Variants in VPS53 observed in about 807,000 individuals in gnomAD.
The protein encoded by VPS53 is vacuolar protein sorting-associated protein 53 homolog.
A neutral mutation model predicts 107.0 loss-of-function variants in VPS53; 70 were observed. The observed-to-expected ratio is 0.65, with a 90% CI of 0.54 to 0.80. The LOEUF (loss-of-function observed/expected upper bound fraction) is 0.80. VPS53 is among the 30% of genes least tolerant of loss of function. The probability of loss-of-function intolerance (pLI) is 0.00; values close to 1 mark genes in which losing one functional copy is unlikely to be tolerated. For missense variants in VPS53, 917 were observed against 1,049.4 expected, an observed-to-expected ratio of 0.87 and a Z score of 1.74; for synonymous variants, 409 against 393.3, an observed-to-expected ratio of 1.04 and a Z score of -0.47.
intron 4 of VPS53, chr17:674,497 T>G (rs2143732413): frequency 6.6e-6 from 1 of 152,338 alleles, no homozygotes. Context: ...TCTGTGTGAT[T>G]TTTTTCTCTT....
At chr17:526,401 C>T (rs1270564010) in intron 19 of VPS53, among the ~76,000 whole-genome samples, 1 of 152,190 alleles carries the variant, frequency 6.6e-6, no homozygotes, top group Non-Finnish European at 1.5e-5. Context: ...ATGACACTTT[C>T]ATTCCCTGGC....
intron 7 of VPS53, 149 bp downstream of exon 7, chr17:653,142 T>C (rs756051288): frequency 5.1e-6 from 8 of 1,557,416 alleles, no homozygotes; most frequent in African/African-American, 2.7e-5. Context: ...GGAATCCCCA[T>C]ATACTTTCCC....
rs1973078563 is a variant in VPS53, at chr17:698,698, G to C, written c.218+633C>G. On this transcript the variant is annotated intron_variant, in intron 3 of 21. Transcript: ENST00000437048. Reference sequence around the variant, plus strand: ...AGCCTGGGACACAGAGTAAGACCTTGTTTTGAAAAAAAAACAGAAAAAAAG... The same window carrying C: ...AGCCTGGGACACAGAGTAAGACCTTCTTTTGAAAAAAAAACAGAAAAAAAG... 2.7e-5 allele frequency among the ~76,000 whole-genome samples: 4 copies of C among 147,584 alleles called. No individual in the cohort carries two copies. The Admixed American group carries it at 2.7e-4, about 10-fold the overall frequency.
intron 1 of VPS53, among the ~76,000 whole-genome samples, chr17:712,593 C>T (rs1328751391): frequency 6.6e-6 from 1 of 152,124 alleles, no homozygotes; most frequent in African/African-American, 2.4e-5. Context: ...TATGCTACTA[C>T]AGAATTTCAT....
At chr17:668,483 T>C (rs2143674135) in intron 4 of VPS53, among the ~76,000 whole-genome samples, 1 of 152,332 alleles carries the variant, frequency 6.6e-6, no homozygotes, top group African/African-American at 2.4e-5. Context: ...TCTGTAAGTA[T>C]TCTCTATTTG....
intron 17 of VPS53, among the ~76,000 whole-genome samples, chr17:541,875 C>T (rs1205593038): frequency 2.7e-5 from 4 of 149,794 alleles, no homozygotes; most frequent in East Asian, 2.0e-4. Context: ...TTATCAAGCA[C>T]GTACTACGCA....
At chr17:587,919 A>G (rs944564249) in intron 12 of VPS53, among the ~76,000 whole-genome samples, 1 of 152,196 alleles carries the variant, frequency 6.6e-6, no homozygotes, top group Non-Finnish European at 1.5e-5. Context: ...GCGTTTGAGG[A>G]TAAGTACACA....
At chr17:664,204 G>A (rs1266288688) in intron 4 of VPS53, among the ~76,000 whole-genome samples, 1 of 151,870 alleles carries the variant, frequency 6.6e-6, no homozygotes, top group Non-Finnish European at 1.5e-5. Flanking sequence ...TCAGCCTCCC[G>A]AGTAGCTGGG....
chr17:631,192 C>CA (rs1192526270), intron 8 of VPS53, among the ~76,000 whole-genome samples: 1 of 151,892 alleles, frequency 6.6e-6, no homozygotes. Context: ...TTCACCAAAC[C>CA]AAAACCAGTA....
At chr17:645,009 T>A (rs1286719150) in intron 7 of VPS53, among the ~76,000 whole-genome samples, 2 of 152,236 alleles carry the variant, frequency 1.3e-5, no homozygotes, top group African/African-American at 2.4e-5. Context: ...TATGTGATAA[T>A]GAATGTTTGG....
intron 5 of VPS53, among the ~76,000 whole-genome samples, chr17:659,724 C>T (rs931057736): frequency 2.6e-5 from 4 of 152,174 alleles, no homozygotes; most frequent in Admixed American, 6.5e-5. Context: ...TCTCCCTCTG[C>T]TTCATCTCAA....
chr17:528,874 C>T lies in VPS53; in HGVS notation c.2085+3968G>A, dbSNP rs528378035. ...TCAGCCTCCCAAAGTGCTGGGATTA[C>T]AGGTGTGAACCATGCACCCTGCCTT... On this transcript the variant is annotated intron_variant, in intron 19 of 21. Transcript: ENST00000437048. 8.5e-5 allele frequency among the ~76,000 whole-genome samples: 13 copies of T among 152,268 alleles called. No homozygotes were observed. In the East Asian group the frequency reaches 2.3e-3, roughly 27 times the overall value.
chr17:640,527 C>A (rs895022478), intron 7 of VPS53, among the ~76,000 whole-genome samples: 1 of 152,144 alleles, frequency 6.6e-6, no homozygotes, highest in African/African-American at 2.4e-5. Flanking sequence ...TGTTCCTATT[C>A]AGCCATCTTA....
rs188435924 is a variant in VPS53 at position 570,137 on chromosome 17, C to T, written c.1314-7392G>A. On this transcript the variant is annotated intron_variant, in intron 13 of 21. Coordinates refer to ENST00000437048, the MANE Select transcript of VPS53 (RefSeq NM_001128159.3). The stretch of plus-strand genomic sequence containing the variant: ...ATCTCAGCACTTTGGGAGGCCAAGG[C>T]GGGTGGATCACCTGAAGTCAGGAGT... Among the ~76,000 whole-genome samples the T allele has an allele frequency of 2.4e-4, 36 of 151,756 alleles. No individual in the cohort carries two copies. The South Asian group carries it at 7.3e-3, about 31-fold the overall frequency.
chr17:657,876 T>C (rs955662334), intron 5 of VPS53, among the ~76,000 whole-genome samples: 7 of 152,048 alleles, frequency 4.6e-5, no homozygotes, highest in African/African-American at 1.7e-4. Flanking sequence ...GGCAGGGAGT[T>C]CGTGGATAGA....
intron 5 of VPS53, chr17:656,699 A>C (rs1971199364): frequency 4.0e-6 from 2 of 495,662 alleles, no homozygotes; most frequent in Non-Finnish European, 6.6e-6. Flanking sequence ...CTGACTAAGA[A>C]ATGTGTGTGT....
intron 18 of VPS53, chr17:536,580 G>C (rs554445033): frequency 6.0e-4 from 98 of 163,446 alleles, no homozygotes; most frequent in South Asian, 5.5e-3. Context: ...TTAAGTAGCA[G>C]ATTTAGTTTT....
intron 4 of VPS53, among the ~76,000 whole-genome samples, chr17:662,485 C>G (rs1407487260): frequency 6.6e-6 from 1 of 151,948 alleles, no homozygotes; most frequent in East Asian, 1.9e-4. Context: ...GTCAGGAGAT[C>G]AAGACCATCC....
Position 512,692 on chromosome 17 carries a change from T to C in VPS53, c.*6436A>G, listed in dbSNP as rs1432779775. The C allele has an allele frequency of 1.3e-5, 2 of 152,184 alleles. No individual in the cohort carries two copies. The highest frequency in any genetic ancestry group is 4.8e-5 in the African/African-American group (2 of 41,438). 9.4% of individuals were successfully genotyped at this position (152,184 alleles called of 1,614,324 possible). ...GCCTAATGGAAGGGCCGCAGCCAGT[T>C]TTCCCCTGTTGAAAGGACACAGGAC... On this transcript the variant is annotated 3_prime_UTR_variant, in exon 22 of 22. Transcript: ENST00000437048.
Sources: gnomAD v4.1 joint callset for allele counts (sites outside exome capture counted in the v4.1 genomes callset) on GRCh38, gnomAD v4.1.1 for gene constraint, MANE v1.5 for transcripts, NCBI Gene and HGNC (gene_info 2026-07-23, HGNC 2026-07-21) for gene names.